The following RNF144A variants were observed in gnomAD, a reference collection of about 807,000 sequenced individuals.
RNF144A encodes the protein E3 ubiquitin-protein ligase RNF144A.
RNF144A carries 11 observed loss-of-function variants against 38.7 expected under a neutral mutation model. The ratio of observed to expected loss-of-function variants is 0.28; its 90% confidence interval spans 0.18 to 0.47. The LOEUF is 0.47. Ranked by LOEUF, RNF144A falls within the 20% of genes least tolerant of loss-of-function variation. The pLI is 0.99. For synonymous variants in RNF144A, 149 were observed against 143.9 expected, an observed-to-expected ratio of 1.04 and a Z score of -0.25; for missense variants, 316 against 377.2, an observed-to-expected ratio of 0.84 and a Z score of 1.34.
intron 3 of RNF144A, among the ~76,000 whole-genome samples, chr2:7,008,904 A>T (rs779399697): frequency 2.0e-5 from 3 of 152,224 alleles, no homozygotes; most frequent in Non-Finnish European, 2.9e-5. Context: ...GGACTTGAGA[A>T]TCCCAGATAA....
At chr2:6,998,786 G>A (rs764075012) in intron 3 of RNF144A, among the ~76,000 whole-genome samples, 4 of 151,948 alleles carry the variant, frequency 2.6e-5, no homozygotes, top group African/African-American at 7.3e-5. Flanking sequence ...GGTAGAACCC[G>A]TCAAGATGGA....
intron 8 of RNF144A, among the ~76,000 whole-genome samples, chr2:7,033,910 C>T (rs1357792546): frequency 6.6e-6 from 1 of 152,220 alleles, no homozygotes; most frequent in Non-Finnish European, 1.5e-5. Flanking sequence ...TGTTGACTCG[C>T]AGCCCTCTCC....
At chr2:6,965,960 C>G (rs556275246) in intron 2 of RNF144A, among the ~76,000 whole-genome samples, 8 of 152,266 alleles carry the variant, frequency 5.3e-5, no homozygotes, top group African/African-American at 1.9e-4. Context: ...CCGCTCCTCA[C>G]CCCCACAACA....
chr2:6,927,789 A>G (rs1184284980), intron 1 of RNF144A, among the ~76,000 whole-genome samples: 1 of 152,282 alleles, frequency 6.6e-6, no homozygotes, highest in Non-Finnish European at 1.5e-5. Context: ...TAAATAAAAT[A>G]TATTACTGAA....
At chr2:7,054,953 T>G (rs1673673564) in intron 6 of RNF144A, among the ~76,000 whole-genome samples, 2 of 152,216 alleles carry the variant, frequency 1.3e-5, no homozygotes, top group African/African-American at 2.4e-5. Flanking sequence ...CCTACACCAC[T>G]GTTCCACCCA....
intron 2 of RNF144A, among the ~76,000 whole-genome samples, chr2:6,961,191 C>T (rs1433234386): frequency 6.6e-6 from 1 of 151,680 alleles, no homozygotes; most frequent in Non-Finnish European, 1.5e-5. Context: ...TTAAATCAGT[C>T]CATGGGTTTC....
At chr2:6,987,369 T>G (rs1669026563) in intron 2 of RNF144A, among the ~76,000 whole-genome samples, 1 of 152,000 alleles carries the variant, frequency 6.6e-6, no homozygotes, top group Admixed American at 6.6e-5. Context: ...TTCTGGGGTG[T>G]GTGTGTGTGT....
At chr2:6,937,054 T>C (rs371216656) in intron 1 of RNF144A, among the ~76,000 whole-genome samples, 8 of 152,214 alleles carry the variant, frequency 5.3e-5, no homozygotes, top group African/African-American at 1.9e-4. Context: ...TAAAACCCAG[T>C]ACGTACATTC....
chr2:6,974,953 T>C (rs577590940), intron 2 of RNF144A, among the ~76,000 whole-genome samples: 4 of 152,358 alleles, frequency 2.6e-5, no homozygotes, highest in Non-Finnish European at 5.9e-5. Context: ...CATGATTGCT[T>C]GGTTATAACC....
chr2:6,969,976 G>A (rs540289726), intron 2 of RNF144A, among the ~76,000 whole-genome samples: 39 of 152,136 alleles, frequency 2.6e-4, no homozygotes, highest in African/African-American at 8.4e-4. Flanking sequence ...TAGCCAGGAT[G>A]GTCTCGATCT....
intron 7 of RNF144A, among the ~76,000 whole-genome samples, chr2:7,026,526 A>G (rs1671905745): frequency 6.8e-6 from 1 of 148,102 alleles, no homozygotes; most frequent in African/African-American, 2.5e-5. Context: ...AAAACTGATC[A>G]TTGAATTATG....
At chr2:6,936,364 TAC>T (rs1665579543) in intron 1 of RNF144A, among the ~76,000 whole-genome samples, 2 of 152,314 alleles carry the variant, frequency 1.3e-5, no homozygotes, top group Middle Eastern at 3.4e-3. Context: ...GATGCATATA[TAC>T]ACACGTATAC....
intron 8 of RNF144A, among the ~76,000 whole-genome samples, chr2:7,035,568 G>A (rs1157483226): frequency 6.6e-6 from 1 of 152,168 alleles, no homozygotes; most frequent in Non-Finnish European, 1.5e-5. Context: ...GCTCCCTGGG[G>A]ACACATTTCT....
intron 3 of RNF144A, among the ~76,000 whole-genome samples, chr2:7,009,724 C>T (rs1670672480): frequency 6.6e-6 from 1 of 152,168 alleles, no homozygotes; most frequent in African/African-American, 2.4e-5. Flanking sequence ...ATGAGGCTGT[C>T]CTCAGAAGGG....
intron 1 of RNF144A, among the ~76,000 whole-genome samples, chr2:6,922,737 G>C (rs892941075): frequency 7.3e-5 from 11 of 151,106 alleles, no homozygotes; most frequent in Non-Finnish European, 1.5e-4. Flanking sequence ...CCATTCTCCT[G>C]CCTCAGCCTC....
At chr2:6,931,384 G>A (rs944943029) in intron 1 of RNF144A, among the ~76,000 whole-genome samples, 4 of 152,232 alleles carry the variant, frequency 2.6e-5, no homozygotes, top group Admixed American at 1.3e-4. Flanking sequence ...AACCTTGAAG[G>A]CCTGTCCAAA....
intron 2 of RNF144A, among the ~76,000 whole-genome samples, chr2:6,965,679 T>C (rs1005286656): frequency 6.6e-6 from 1 of 152,158 alleles, no homozygotes; most frequent in Non-Finnish European, 1.5e-5. Context: ...TCCGTGACGC[T>C]GTTTCCCCAT....
At position 7,041,405 on chromosome 2, in the gene RNF144A, C is replaced by T; in HGVS notation, c.*1645C>T. 1 of 985,860 alleles carries T rather than the reference C, an allele frequency of 1.0e-6. No individual in the cohort carries two copies. Among genetic ancestry groups the T allele is most frequent in the Non-Finnish European group, 1.2e-6 (1 of 829,944 alleles). 61.1% of individuals were successfully genotyped at this position (985,860 alleles called of 1,614,324 possible). On this transcript the variant is annotated 3_prime_UTR_variant, in exon 9 of 9. Transcript: ENST00000320892. ...CTGTCATGTTGATTTTCCTTATGAACCCGAAGCCATTTAGAAAATCCCTGT... is the reference window on the plus strand; with the variant it reads ...CTGTCATGTTGATTTTCCTTATGAATCCGAAGCCATTTAGAAAATCCCTGT...
chr2:7,001,088 T>G (rs994622664), intron 3 of RNF144A, among the ~76,000 whole-genome samples: 1 of 151,562 alleles, frequency 6.6e-6, no homozygotes, highest in East Asian at 1.9e-4. Flanking sequence ...TCACCTGAGG[T>G]CAGGAGTTCG....
Sources: gnomAD v4.1 joint callset for allele counts (sites outside exome capture counted in the v4.1 genomes callset) on GRCh38, gnomAD v4.1.1 for gene constraint, MANE v1.5 for transcripts, NCBI Gene and HGNC (gene_info 2026-07-23, HGNC 2026-07-21) for gene names.